Variants in TTC17 observed in about 807,000 individuals in gnomAD.
TTC17 encodes the protein tetratricopeptide repeat protein 17.
In TTC17, 58 loss-of-function variants were observed where a neutral mutation model predicts 143.8. The observed-to-expected ratio is 0.40, with a 90% CI of 0.33 to 0.50. The LOEUF is 0.50. Among genes scored for constraint, TTC17 ranks in the 20% least tolerant of loss-of-function variants. TTC17 has a pLI of 0.49. For missense variants in TTC17, 1,273 were observed against 1,392.5 expected, an observed-to-expected ratio of 0.91 and a Z score of 1.37; for synonymous variants, 501 against 497.8, an observed-to-expected ratio of 1.01 and a Z score of -0.09.
chr11:43,402,105 T>C (rs1278615893), intron 10 of TTC17, among the ~76,000 whole-genome samples: 1 of 152,174 alleles, frequency 6.6e-6, no homozygotes, highest in East Asian at 1.9e-4. Context: ...GAGTACTCAA[T>C]AACTCCATGG....
chr11:43,392,583 A>G lies in TTC17; in HGVS notation c.663+631A>G, dbSNP rs970022310. ...CCACCTTTGTATACAGTTTTTTCAA[A>G]TACATAGCTTTGTATATTGAGAGGA... is the stretch of plus-strand genomic sequence containing the variant. On this transcript the variant is annotated intron_variant, in intron 5 of 23. Coordinates refer to ENST00000039989, the MANE Select transcript of TTC17 (RefSeq NM_018259.6). 2.8e-4 allele frequency among the ~76,000 whole-genome samples: 43 copies of G among 152,238 alleles called. 1 individual carries two copies. The highest frequency in any genetic ancestry group is 1.8e-4 in the Non-Finnish European group (12 of 68,040).
At chr11:43,470,287 C>G (rs1310514222) in intron 21 of TTC17, among the ~76,000 whole-genome samples, 4 of 152,206 alleles carry the variant, frequency 2.6e-5, no homozygotes, top group Non-Finnish European at 5.9e-5. Context: ...GTCCAGGGGC[C>G]ATTCTCTGCC....
intron 21 of TTC17, among the ~76,000 whole-genome samples, chr11:43,487,818 T>C (rs1948406800): frequency 6.6e-6 from 1 of 152,198 alleles, no homozygotes; most frequent in Non-Finnish European, 1.5e-5. Context: ...CCCTGAGACC[T>C]CTCTCTTCGG....
intron 21 of TTC17, among the ~76,000 whole-genome samples, chr11:43,484,026 C>T (rs1222861253): frequency 6.6e-6 from 1 of 152,098 alleles, no homozygotes; most frequent in Non-Finnish European, 1.5e-5. Context: ...CCTGTAATCC[C>T]AGCTATTCAG....
At chr11:43,437,957 G>A (rs895535166) in intron 16 of TTC17, among the ~76,000 whole-genome samples, 2 of 152,240 alleles carry the variant, frequency 1.3e-5, no homozygotes, top group Non-Finnish European at 2.9e-5. Context: ...TTTCTGCTCA[G>A]AAGAGAATGA....
chr11:43,382,817 G>A (rs1857021705), intron 2 of TTC17, among the ~76,000 whole-genome samples: 1 of 152,156 alleles, frequency 6.6e-6, no homozygotes, highest in Non-Finnish European at 1.5e-5. Flanking sequence ...TGAGTACCTA[G>A]TCAGCAAATT....
intron 16 of TTC17, among the ~76,000 whole-genome samples, chr11:43,431,446 C>A (rs1350845194): frequency 9.2e-5 from 14 of 152,182 alleles, no homozygotes; most frequent in African/African-American, 1.9e-4. Flanking sequence ...TGTTTCCTGA[C>A]TTTTTAATGA....
At chr11:43,427,783 A>G (rs1947063901) in intron 16 of TTC17, among the ~76,000 whole-genome samples, 1 of 152,170 alleles carries the variant, frequency 6.6e-6, no homozygotes, top group Non-Finnish European at 1.5e-5. Flanking sequence ...CTCCTTGAGT[A>G]CAGAAACCAA....
intron 21 of TTC17, among the ~76,000 whole-genome samples, chr11:43,456,073 A>AG (rs1468824667): frequency 7.2e-5 from 11 of 152,114 alleles, no homozygotes; most frequent in Non-Finnish European, 1.5e-5. Context: ...ATATTGATAG[A>AG]GGGGAAAAAA....
At chr11:43,374,957 G>A (rs923993620) in intron 1 of TTC17, among the ~76,000 whole-genome samples, 7 of 152,114 alleles carry the variant, frequency 4.6e-5, no homozygotes, top group African/African-American at 1.7e-4. Flanking sequence ...CCTAGGCAGA[G>A]GGACATAGGT....
intron 21 of TTC17, among the ~76,000 whole-genome samples, chr11:43,455,572 A>G (rs1277421136): frequency 6.6e-6 from 1 of 152,122 alleles, no homozygotes; most frequent in Non-Finnish European, 1.5e-5. Context: ...CAAAACATAT[A>G]ATTTATTCAA....
chr11:43,400,832 A>G (rs1331939531), intron 9 of TTC17, among the ~76,000 whole-genome samples: 1 of 152,196 alleles, frequency 6.6e-6, no homozygotes, highest in African/African-American at 2.4e-5. Flanking sequence ...TTTTGTTTCT[A>G]ATGACAAGGG....
At chr11:43,438,265 C>G (rs1244699674) in intron 16 of TTC17, among the ~76,000 whole-genome samples, 1 of 152,194 alleles carries the variant, frequency 6.6e-6, no homozygotes, top group Non-Finnish European at 1.5e-5. Flanking sequence ...TCAAGCAATT[C>G]TCCTGCCTCA....
Position 43,421,388 on chromosome 11 carries a change from T to A in TTC17, c.2251+6612T>A, listed in dbSNP as rs1030595426. On this transcript the variant is annotated intron_variant, in intron 16 of 23. Coordinates refer to ENST00000039989, the MANE Select transcript of TTC17 (RefSeq NM_018259.6). The stretch of plus-strand genomic sequence containing the variant: ...GTGGAGGATAGAGCCACTTTTTTGA[T>A]GCCTTGCAGACCATTCTAATAATGT... Among the ~76,000 whole-genome samples, 10 of 152,354 alleles carry A rather than the reference T, an allele frequency of 6.6e-5. 1 individual carries two copies. The East Asian group carries it at 1.9e-3, about 29-fold the overall frequency.
At chr11:43,397,627 A>G (rs1286534064) in intron 7 of TTC17, 136 bp downstream of exon 7, 1 of 1,027,792 alleles carries the variant, frequency 9.7e-7, no homozygotes, top group African/African-American at 1.6e-5. Context: ...ATTAGGAGGA[A>G]GAAAAATCCT....
Position 43,398,023 on chromosome 11 carries a change from A to G in TTC17, c.968A>G (p.Gln323Arg), listed in dbSNP as rs758774070. The G allele has an allele frequency of 9.9e-6, 16 of 1,613,568 alleles. No individual in the cohort carries two copies. Among genetic ancestry groups the G allele is most frequent in the Non-Finnish European group, 1.3e-5 (15 of 1,179,938 alleles). Residue 323 changes from glutamine to arginine, a missense_variant, in exon 8 of 24, where the codon CAG becomes CGG. Transcript: ENST00000039989. The part of the protein sequence containing the change: ...HSVLCYDHAL[Q>R]ARPGFEQAIK... ...GTGCTCTGTTATGACCACGCTTTGC[A>G]GGCCAGACCTGGGTTTGAGCAAGCT...
chr11:43,418,323 A>T (rs1025101696), intron 16 of TTC17, among the ~76,000 whole-genome samples: 1 of 152,174 alleles, frequency 6.6e-6, no homozygotes, highest in African/African-American at 2.4e-5. Flanking sequence ...AGGTAGTTTT[A>T]TATCACTACC....
At chr11:43,448,533 T>A in intron 19 of TTC17, 1 of 157,780 alleles carries the variant, frequency 6.3e-6, no homozygotes, top group Non-Finnish European at 1.4e-5. Context: ...CACTGGACAC[T>A]CGCTCTCTTT....
chr11:43,374,171 G>A (rs1856675890), intron 1 of TTC17, among the ~76,000 whole-genome samples: 1 of 152,044 alleles, frequency 6.6e-6, no homozygotes, highest in Non-Finnish European at 1.5e-5. Context: ...AATTTTTGTG[G>A]GAAAGCACTC....
Sources: allele counts gnomAD v4.1 joint callset (sites outside exome capture counted in the v4.1 genomes callset), GRCh38; gene constraint gnomAD v4.1.1; transcripts MANE v1.5; gene names NCBI Gene and HGNC (gene_info 2026-07-23, HGNC 2026-07-21).